CPEB2: variants seen among roughly 807,000 people sequenced by gnomAD.
The protein encoded by CPEB2 is cytoplasmic polyadenylation element binding protein 2.
Under a neutral mutation model 93.6 loss-of-function variants are expected in CPEB2, and 56 were observed. The observed-to-expected ratio is 0.60, with a 90% CI of 0.48 to 0.75. The LOEUF is 0.75. Among genes scored for constraint, CPEB2 ranks in the 30% least tolerant of loss-of-function variants. The probability of loss-of-function intolerance (pLI) is 0.00; values close to 1 mark genes in which losing one functional copy is unlikely to be tolerated. For synonymous variants in CPEB2, 764 were observed against 586.3 expected (o/e 1.30, Z -4.38); for missense variants, 1,579 against 1,395.1 (o/e 1.13, Z -2.10).
intron 1 of CPEB2, among the ~76,000 whole-genome samples, chr4:15,004,594 T>A (rs940933537): frequency 6.6e-6 from 1 of 151,826 alleles, no homozygotes; most frequent in Admixed American, 6.5e-5. Context: ...GAGCCGCGGC[T>A]GGCCGGGCGC....
rs182023950 is a variant in CPEB2 at position 15,023,422 on chromosome 4, A to G, written c.2125+6144A>G. ...ACAAAAAAAATAGTATTCATTTATTAAAGAAAATGTGGAAACACTAGGAGA... is the reference window on the plus strand; with the variant it reads ...ACAAAAAAAATAGTATTCATTTATTGAAGAAAATGTGGAAACACTAGGAGA... On this transcript the variant is annotated intron_variant, in intron 4 of 11. Coordinates refer to ENST00000538197, the MANE Select transcript of CPEB2 (RefSeq NM_001177382.2). Among the ~76,000 whole-genome samples the G allele has an allele frequency of 2.9e-3, 446 of 152,190 alleles. 5 individuals are homozygous for G. The highest frequency in any genetic ancestry group is 0.011 in the African/African-American group (441 of 41,580).
At chr4:15,031,034 C>T (rs1459679665) in intron 4 of CPEB2, among the ~76,000 whole-genome samples, 1 of 151,998 alleles carries the variant, frequency 6.6e-6, no homozygotes, top group Non-Finnish European at 1.5e-5. Context: ...TTGCCTTAAT[C>T]CCTGGGCCTG....
At position 15,066,379 on chromosome 4, in the gene CPEB2, A is replaced by G; in HGVS notation, c.3104A>G (p.Ter1035=). The change falls in exon 12 of 12, where the codon TAA becomes TGA. Residue 1035 remains the stop codon, a stop_retained_variant. Transcript: ENST00000538197. The part of the protein sequence containing the change: ...RPRQIHFRWN[*] ...CGTCAGATCCACTTCCGCTGGAACT[A>G]AGAATAGCAAACTGGCCTCTGTTTA... 1 of 1,589,208 alleles carries G rather than the reference A, an allele frequency of 6.3e-7. No individual in the cohort carries two copies. Among genetic ancestry groups the G allele is most frequent in the African/African-American group, 1.3e-5 (1 of 74,606 alleles).
chr4:15,052,877 A>G (rs1728357858), intron 7 of CPEB2, among the ~76,000 whole-genome samples: 1 of 152,042 alleles, frequency 6.6e-6, no homozygotes, highest in Non-Finnish European at 1.5e-5. Flanking sequence ...AATATAGAAT[A>G]TATTTAGGTA....
At position 15,060,636 on chromosome 4, in the gene CPEB2, G is replaced by A. The variant is rs187549634; in HGVS notation, c.2695+1335G>A. The stretch of plus-strand genomic sequence containing the variant: ...AAGGAGCAGATAGGGAGGGAAGATT[G>A]TGGTCTTGGTTTTGAACACAAGTTT... On this transcript the variant is annotated intron_variant, in intron 10 of 11. Coordinates refer to ENST00000538197, the MANE Select transcript of CPEB2 (RefSeq NM_001177382.2). Among the ~76,000 whole-genome samples the A allele has an allele frequency of 7.8e-3, 1,185 of 152,248 alleles. 5 individuals are homozygous for A. Among genetic ancestry groups the A allele is most frequent in the Admixed American group, 0.012 (177 of 15,282 alleles).
chr4:15,043,373 G>A (rs1727366067), intron 6 of CPEB2, among the ~76,000 whole-genome samples: 1 of 152,280 alleles, frequency 6.6e-6, no homozygotes, highest in South Asian at 2.1e-4. Flanking sequence ...TCACTACTGT[G>A]TATCTCTATC....
intron 4 of CPEB2, among the ~76,000 whole-genome samples, chr4:15,029,925 C>A (rs1725901437): frequency 6.6e-6 from 1 of 152,110 alleles, no homozygotes; most frequent in Non-Finnish European, 1.5e-5. Context: ...ACCACTTTCA[C>A]TTTATATCCC....
At chr4:15,015,858 A>G (rs1166544941) in intron 3 of CPEB2, among the ~76,000 whole-genome samples, 1 of 152,016 alleles carries the variant, frequency 6.6e-6, no homozygotes, top group East Asian at 1.9e-4. Flanking sequence ...ACAGTAAGTG[A>G]TTAACAACAA....
intron 8 of CPEB2, 116 bp downstream of exon 8, chr4:15,054,333 T>G (rs1338439300): frequency 1.8e-5 from 13 of 740,964 alleles, no homozygotes; most frequent in Non-Finnish European, 4.6e-6. Context: ...ATTTGATAAT[T>G]TCATAGACTC....
chr4:15,048,934 A>ATTT (rs1727968919), intron 6 of CPEB2, among the ~76,000 whole-genome samples: 2 of 152,178 alleles, frequency 1.3e-5, no homozygotes, highest in South Asian at 4.1e-4. Flanking sequence ...GCAAGGTAAA[A>ATTT]GGTCAGACTT....
chr4:15,026,349 C>G (rs1725478295), intron 4 of CPEB2, among the ~76,000 whole-genome samples: 1 of 151,838 alleles, frequency 6.6e-6, no homozygotes, highest in South Asian at 2.1e-4. Context: ...GCCTCAGCTT[C>G]CCAAGTAACT....
chr4:15,035,795 T>A (rs978540308), intron 5 of CPEB2, among the ~76,000 whole-genome samples: 1 of 152,098 alleles, frequency 6.6e-6, no homozygotes, highest in African/African-American at 2.4e-5. Flanking sequence ...CTCCTTGGAG[T>A]ACCCAAGATG....
chr4:15,038,905 A>G (rs1726905587), intron 5 of CPEB2, among the ~76,000 whole-genome samples: 1 of 152,056 alleles, frequency 6.6e-6, no homozygotes, highest in South Asian at 2.1e-4. Flanking sequence ...TCTATTCTTG[A>G]TCACTCTATT....
intron 7 of CPEB2, among the ~76,000 whole-genome samples, chr4:15,053,519 C>T (rs1728431443): frequency 6.6e-6 from 1 of 152,150 alleles, no homozygotes; most frequent in Admixed American, 6.5e-5. Context: ...AAATGTATCA[C>T]TCATTCTTAC....
At chr4:15,016,470 CT>C (rs1724158313) in intron 3 of CPEB2, among the ~76,000 whole-genome samples, 4 of 151,962 alleles carry the variant, frequency 2.6e-5, no homozygotes, top group Admixed American at 2.6e-4. Context: ...ACTTTGGAGA[CT>C]TGGTGAAGTA....
Position 15,043,584 on chromosome 4 carries a change from G to A in CPEB2, c.2200+3097G>A, listed in dbSNP as rs546767997. Among the ~76,000 whole-genome samples the A allele has an allele frequency of 2.6e-5, 4 of 152,198 alleles. No individual in the cohort carries two copies. The South Asian group carries it at 6.2e-4, about 24-fold the overall frequency. On this transcript the variant is annotated intron_variant, in intron 6 of 11. Transcript: ENST00000538197. ...TTGAAGTAGGATGAGGGTTGTGAAG[G>A]GAGGCGTGAAGTGTAATTTAAGTTC...
intron 1 of CPEB2, 68 bp downstream of exon 1, chr4:15,004,403 G>A (rs1158914266): frequency 9.8e-6 from 12 of 1,225,284 alleles, no homozygotes; most frequent in African/African-American, 1.6e-5. Flanking sequence ...GGAGGCGGGG[G>A]CAGGGCAGCC....
At chr4:15,024,033 A>G (rs1725137605) in intron 4 of CPEB2, among the ~76,000 whole-genome samples, 1 of 152,022 alleles carries the variant, frequency 6.6e-6, no homozygotes, top group South Asian at 2.1e-4. Context: ...ATTAATCATT[A>G]TCTTTTTTAG....
intron 6 of CPEB2, among the ~76,000 whole-genome samples, chr4:15,048,550 G>T (rs1225384188): frequency 6.6e-6 from 1 of 151,882 alleles, no homozygotes; most frequent in Non-Finnish European, 1.5e-5. Flanking sequence ...TGTAAGTTCT[G>T]TGTTGATTGA....
Sources: allele counts gnomAD v4.1 joint callset (sites outside exome capture counted in the v4.1 genomes callset), GRCh38; gene constraint gnomAD v4.1.1; transcripts MANE v1.5; gene names NCBI Gene and HGNC (gene_info 2026-07-23, HGNC 2026-07-21).